Variants in HSPA12A observed in about 807,000 individuals in gnomAD.
HSPA12A encodes the protein heat shock 70 kDa protein 12A.
In HSPA12A, 28 loss-of-function variants were observed where a neutral mutation model predicts 69.2. The ratio of observed to expected loss-of-function variants is 0.40; its 90% CI spans 0.30 to 0.55. The LOEUF is 0.55. Among genes scored for constraint, HSPA12A ranks in the 20% least tolerant of loss-of-function variants. HSPA12A has a pLI of 0.38. For missense variants in HSPA12A, 686 were observed against 900.7 expected (o/e 0.76, Z 3.05); for synonymous variants, 345 against 370.5 (o/e 0.93, Z 0.79).
intron 1 of HSPA12A, among the ~76,000 whole-genome samples, chr10:116,741,206 T>C (rs1851494822): frequency 6.6e-6 from 1 of 152,222 alleles, no homozygotes; most frequent in Non-Finnish European, 1.5e-5. Context: ...GGCACCTCCC[T>C]GATCCGCAGG....
intron 2 of HSPA12A, among the ~76,000 whole-genome samples, chr10:116,762,687 G>A (rs560686913): frequency 5.9e-5 from 9 of 152,174 alleles, no homozygotes; most frequent in Admixed American, 1.3e-4. Context: ...GGGTTCAAGC[G>A]ATTCTTCTGC....
chr10:116,835,658 G>T, intron 1 of HSPA12A, among the ~76,000 whole-genome samples: 1 of 152,196 alleles, frequency 6.6e-6, no homozygotes, highest in East Asian at 1.9e-4. Flanking sequence ...AGCATATCTT[G>T]TTCACCTGTG....
chr10:116,700,110 G>A (rs1175449042), intron 4 of HSPA12A, among the ~76,000 whole-genome samples: 5 of 152,204 alleles, frequency 3.3e-5, no homozygotes, highest in African/African-American at 1.2e-4. Context: ...ATTTGACAGA[G>A]AAGATAAAAC....
chr10:116,746,026 G>A (rs1851640658), upstream of HSPA12A, among the ~76,000 whole-genome samples: 1 of 152,044 alleles, frequency 6.6e-6, no homozygotes, highest in Admixed American at 6.6e-5. Flanking sequence ...GACCAGCCAT[G>A]TCCACATTTA....
chr10:116,830,080 G>A lies in HSPA12A; in HGVS notation c.91+4855C>T, dbSNP rs539137772. The A allele has an allele frequency of 4.6e-5, 7 of 152,298 alleles. 1 individual carries two copies. The highest frequency in any genetic ancestry group is 1.9e-4 in the East Asian group (1 of 5,178). The allele number at this position is 152,298 out of a possible 1,614,324, so 9.4% of individuals were successfully genotyped here. On this transcript the variant is annotated intron_variant, in intron 2 of 12. Coordinates refer to the HSPA12A transcript ENST00000635765. ...GGGGAATCACACAAGAACAAAGTAG[G>A]ACTTGTCATCTTCCTACCTGAGACA...
chr10:116,696,661 C>T (rs1399767703), intron 5 of HSPA12A, among the ~76,000 whole-genome samples: 4 of 152,118 alleles, frequency 2.6e-5, no homozygotes, highest in African/African-American at 9.7e-5. Flanking sequence ...CTCATTCCCC[C>T]ACTAGAAATC....
chr10:116,732,664 A>T (rs1554885964), intron 1 of HSPA12A, among the ~76,000 whole-genome samples: 2 of 152,234 alleles, frequency 1.3e-5, no homozygotes, highest in Admixed American at 6.5e-5. Context: ...ATTCACAGCA[A>T]TTTGACTTGG....
chr10:116,711,929 C>T (rs1225651924), intron 1 of HSPA12A, among the ~76,000 whole-genome samples: 1 of 151,878 alleles, frequency 6.6e-6, no homozygotes, highest in East Asian at 1.9e-4. Context: ...CCTTGTGATC[C>T]GCTGGCCTCG....
At position 116,681,206 on chromosome 10, in the gene HSPA12A, C is replaced by A; in HGVS notation, c.973G>T (p.Val325Phe). The A allele has an allele frequency of 6.2e-7, 1 of 1,614,174 alleles. No homozygotes were observed. Among genetic ancestry groups the A allele is most frequent in the African/African-American group, 1.3e-5 (1 of 75,042 alleles). Residue 325 changes from valine to phenylalanine, a missense_variant, in exon 9 of 12, where the codon GTC becomes TTC. Coordinates refer to ENST00000369209, the MANE Select transcript of HSPA12A (RefSeq NM_025015.3). Reference sequence around the variant, plus strand: ...CCCTCCGGTAACCGGATCTGATGGACTGTCAGGTCTACGGTGCCACCGCCA... The same window carrying A: ...CCCTCCGGTAACCGGATCTGATGGAATGTCAGGTCTACGGTGCCACCGCCA... ...DSGGGTVDLT[V>F]HQIRLPEGHL...
At chr10:116,678,192 A>AATCATC (rs1280996221) in intron 10 of HSPA12A, among the ~76,000 whole-genome samples, 1 of 151,958 alleles carries the variant, frequency 6.6e-6, no homozygotes, top group Non-Finnish European at 1.5e-5. Flanking sequence ...ACCAGGCAAT[A>AATCATC]ATCATCAATG....
At chr10:116,849,576 G>A (rs1455737860) in exon 1 of HSPA12A, 1 of 1,543,150 alleles carries the variant, frequency 6.5e-7, no homozygotes, top group Non-Finnish European at 8.7e-7. Context: ...CATGGAGGAA[G>A]AAGGCGGCGG....
At chr10:116,835,052 T>C in intron 1 of HSPA12A, 1 of 1,207,618 alleles carries the variant, frequency 8.3e-7, no homozygotes, top group Non-Finnish European at 1.0e-6. Flanking sequence ...AGTTGCACTG[T>C]GAAAATGTCG....
chr10:116,811,463 A>G (rs558267078), intron 2 of HSPA12A, among the ~76,000 whole-genome samples: 1 of 151,396 alleles, frequency 6.6e-6, no homozygotes, highest in Admixed American at 6.6e-5. Flanking sequence ...ATCTTCCAGG[A>G]CCCGGGAGCT....
intron 2 of HSPA12A, among the ~76,000 whole-genome samples, chr10:116,820,844 TCCAAATCAGCAGGTTCCACCCCAAAC>T (rs1460466504): frequency 6.6e-6 from 1 of 151,954 alleles, no homozygotes; most frequent in African/African-American, 2.4e-5. Context: ...ACACCTGATC[TCCAAATCAGCAGGTTCCACCCCAAAC>T]CCACTCCTCC....
intron 2 of HSPA12A, among the ~76,000 whole-genome samples, chr10:116,768,324 A>C (rs1554889991): frequency 6.6e-6 from 1 of 152,216 alleles, no homozygotes; most frequent in African/African-American, 2.4e-5. Flanking sequence ...CAGAAAGCAG[A>C]TTAGTGCTTG....
chr10:116,815,999 G>A (rs536495274), intron 2 of HSPA12A, among the ~76,000 whole-genome samples: 14 of 152,344 alleles, frequency 9.2e-5, no homozygotes, highest in Admixed American at 5.2e-4. Flanking sequence ...TCTGTGCTGA[G>A]CTGTGCAGGT....
At chr10:116,709,054 A>C (rs1326857944) in intron 1 of HSPA12A, among the ~76,000 whole-genome samples, 1 of 141,060 alleles carries the variant, frequency 7.1e-6, no homozygotes, top group African/African-American at 2.7e-5. Flanking sequence ...TACCCAAAAA[A>C]CTGAAAACAG....
intron 3 of HSPA12A, among the ~76,000 whole-genome samples, chr10:116,703,352 C>T (rs1554881829): frequency 6.6e-6 from 1 of 152,098 alleles, no homozygotes; most frequent in African/African-American, 2.4e-5. Context: ...GTGCTTTACA[C>T]AACCCTTTAT....
At chr10:116,798,990 G>A (rs182984250) in intron 2 of HSPA12A, among the ~76,000 whole-genome samples, 59 of 152,148 alleles carry the variant, frequency 3.9e-4, no homozygotes, top group Admixed American at 1.1e-3. Context: ...GGGAGTGGCC[G>A]ACAGGGCCCA....
Sources: allele counts gnomAD v4.1 joint callset (sites outside exome capture counted in the v4.1 genomes callset), GRCh38; gene constraint gnomAD v4.1.1; transcripts MANE v1.5; gene names NCBI Gene and HGNC (gene_info 2026-07-23, HGNC 2026-07-21).